The following HDLBP variants were observed in gnomAD, a reference collection of about 807,000 sequenced individuals.
HDLBP encodes the protein vigilin.
In HDLBP, 30 loss-of-function variants were observed where a neutral mutation model predicts 137.3. The observed-to-expected ratio is 0.22, with a 90% CI of 0.16 to 0.30. The LOEUF is 0.30. Among genes scored for constraint, HDLBP ranks in the 10% least tolerant of loss-of-function variants. HDLBP has a pLI of 1.00. For missense variants in HDLBP, 1,119 were observed against 1,667.3 expected, an observed-to-expected ratio of 0.67 and a Z score of 5.73; for synonymous variants, 606 against 596.0, an observed-to-expected ratio of 1.02 and a Z score of -0.24.
chr2:241,262,104 T>C lies in HDLBP; in HGVS notation c.450+607A>G, dbSNP rs79809719. On this transcript the variant is annotated intron_variant, in intron 5 of 27. Coordinates refer to ENST00000310931, the MANE Select transcript of HDLBP (RefSeq NM_005336.6). ...CAAATGTTCTTAAATAAAGTCCAAG[T>C]ACTGGCATCAGACTGCCAAAGACGA... Among the ~76,000 whole-genome samples, 1,820 of 152,346 alleles carry C rather than the reference T, an allele frequency of 0.012. 127 individuals carry two copies. In the East Asian group the frequency reaches 0.17, roughly 14 times the overall value.
Position 241,272,523 on chromosome 2 carries a change from C to T in HDLBP, c.-102-3982G>A. The T allele has an allele frequency of 2.0e-6, 2 of 984,658 alleles. No homozygotes were observed. Among genetic ancestry groups the T allele is most frequent in the Non-Finnish European group, 2.4e-6 (2 of 829,686 alleles). The allele number at this position is 984,658 out of a possible 1,614,324, so 61.0% of individuals were successfully genotyped here. On this transcript the variant is annotated intron_variant, in intron 1 of 27. Transcript: ENST00000310931. The surrounding 1 kb of genome is among the most constrained non-coding windows in gnomAD (Gnocchi z 5.6). ...TGTGCGCGCCCCTCCGCGCCACGGCCACGCGCAGAAGAGACTCGGAGCCGG... is the reference window on the plus strand; with the variant it reads ...TGTGCGCGCCCCTCCGCGCCACGGCTACGCGCAGAAGAGACTCGGAGCCGG...
intron 8 of HDLBP, 25 bp downstream of exon 8, chr2:241,255,349 A>C (rs1398890750): frequency 6.2e-7 from 1 of 1,601,938 alleles, no homozygotes; most frequent in South Asian, 1.1e-5. Context: ...CAAAGGAGAC[A>C]CACTTCATGC....
intron 1 of HDLBP, among the ~76,000 whole-genome samples, chr2:241,281,217 G>A (rs2074586983): frequency 6.6e-6 from 1 of 152,178 alleles, no homozygotes; most frequent in Admixed American, 6.5e-5. Context: ...ACTCGGGCTT[G>A]GGGGTGCATG....
chr2:241,267,493 G>A (rs1435569756), intron 2 of HDLBP: 5 of 1,341,020 alleles, frequency 3.7e-6, no homozygotes, highest in Non-Finnish European at 4.1e-6. Flanking sequence ...CCACCTGCCT[G>A]ACCCAGGCTC....
chr2:241,272,287 C>T lies in HDLBP; in HGVS notation c.-102-3746G>A, dbSNP rs987053932. On this transcript the variant is annotated intron_variant, in intron 1 of 27. Transcript: ENST00000310931. The surrounding 1 kb of genome is among the most constrained non-coding windows in gnomAD (Gnocchi z 5.6). ...AAGGACCCCGCTGGCCTCCCAGGGA[C>T]CCCCACCCTGGCCGCACACGGCGCC... 1.4e-4 allele frequency: 137 copies of T among 977,632 alleles called. No homozygotes were observed. Among genetic ancestry groups the T allele is most frequent in the Non-Finnish European group, 1.6e-4 (128 of 823,134 alleles). 60.6% of individuals were successfully genotyped at this position (977,632 alleles called of 1,614,324 possible).
At chr2:241,232,472 C>T (rs958168989) in intron 24 of HDLBP, among the ~76,000 whole-genome samples, 2 of 152,108 alleles carry the variant, frequency 1.3e-5, no homozygotes, top group South Asian at 2.1e-4. Context: ...GACAGGCTTT[C>T]GCCATGTTGG....
Position 241,233,668 on chromosome 2 carries a change from C to T in HDLBP, c.3288+152G>A, listed in dbSNP as rs1034852173. 3 of 786,788 alleles carry T rather than the reference C, an allele frequency of 3.8e-6. No individual in the cohort carries two copies. Among genetic ancestry groups the T allele is most frequent in the Admixed American group, 5.1e-5 (2 of 39,242 alleles). 48.7% of individuals were successfully genotyped at this position (786,788 alleles called of 1,614,324 possible). The stretch of plus-strand genomic sequence containing the variant: ...ATCTGGCAAGTACCGAGACACAGCC[C>T]AAACCTCAAGCCAGAATTAGGTCCT... On this transcript the variant is annotated intron_variant, in intron 24 of 27. Coordinates refer to ENST00000310931, the MANE Select transcript of HDLBP (RefSeq NM_005336.6). The surrounding 1 kb of genome is among the most constrained non-coding windows in gnomAD (Gnocchi z 4.3).
chr2:241,289,909 G>A (rs2074953766), intron 1 of HDLBP, among the ~76,000 whole-genome samples: 1 of 151,998 alleles, frequency 6.6e-6, no homozygotes, highest in Admixed American at 6.6e-5. Flanking sequence ...CGTGTGGGAT[G>A]AATGGACTTC....
At chr2:241,235,045 A>G (rs1490963749) in intron 23 of HDLBP, 76 bp downstream of exon 23, 1 of 1,551,482 alleles carries the variant, frequency 6.4e-7, no homozygotes, top group Non-Finnish European at 8.8e-7. Context: ...ATCCTGAAGA[A>G]CTTCCCTAGA....
intron 24 of HDLBP, among the ~76,000 whole-genome samples, chr2:241,231,711 T>C (rs1436937055): frequency 1.3e-5 from 2 of 152,074 alleles, no homozygotes; most frequent in Non-Finnish European, 2.9e-5. Context: ...CAGGCCTTCC[T>C]TGGGCCACAC....
At chr2:241,232,171 CGG>C (rs992794647) in intron 24 of HDLBP, among the ~76,000 whole-genome samples, 3 of 152,170 alleles carry the variant, frequency 2.0e-5, no homozygotes, top group Admixed American at 1.3e-4. Context: ...ACCTCAAGAT[CGG>C]AAGCACAGCT....
intron 16 of HDLBP, among the ~76,000 whole-genome samples, chr2:241,245,734 C>G (rs994356599): frequency 4.6e-5 from 7 of 152,152 alleles, no homozygotes; most frequent in African/African-American, 1.7e-4. Flanking sequence ...TCTGGAAAGC[C>G]AAGGCTGTAG....
intron 9 of HDLBP, among the ~76,000 whole-genome samples, chr2:241,253,968 A>T (rs1230253203): frequency 6.6e-6 from 1 of 152,160 alleles, no homozygotes; most frequent in African/African-American, 2.4e-5. Flanking sequence ...AGGAAGGCAG[A>T]CTGGTCCTTA....
intron 1 of HDLBP, among the ~76,000 whole-genome samples, chr2:241,297,388 A>C (rs113800348): frequency 6.6e-6 from 1 of 152,238 alleles, no homozygotes; most frequent in Non-Finnish European, 1.5e-5. Flanking sequence ...ATCCACTTGG[A>C]AAGCGAGAAA....
At position 241,256,603 on chromosome 2, in the gene HDLBP, C is replaced by A; in HGVS notation, c.654G>T (p.Glu218Asp). Residue 218 changes from glutamate to aspartate, a missense_variant, in exon 6 of 28, where the codon GAG becomes GAT. By Grantham distance (45) the Glu-to-Asp change is conservative (BLOSUM62 2). Around this residue, in one of 4 missense-constraint regions of HDLBP, gnomAD observed 425 missense variants for 693.9 expected, o/e 0.61. Transcript: ENST00000310931. ...GAGGCACTCACACAGGCCTCACCTGCTCGGCAGAGATGAGTAAGACTTCAT... is the reference window on the plus strand; with the variant it reads ...GAGGCACTCACACAGGCCTCACCTGATCGGCAGAGATGAGTAAGACTTCAT... The part of the protein sequence containing the change: ...ARHEVLLISA[E>D]QDKRAVERLE... 1 of 1,613,724 alleles carries A rather than the reference C, an allele frequency of 6.2e-7. No homozygotes were observed. The highest frequency in any genetic ancestry group is 8.5e-7 in the Non-Finnish European group (1 of 1,179,990).
intron 1 of HDLBP, among the ~76,000 whole-genome samples, chr2:241,314,897 G>T (rs1052500437): frequency 1.3e-5 from 2 of 152,172 alleles, no homozygotes; most frequent in Non-Finnish European, 2.9e-5. Context: ...AGGGGTATTT[G>T]CGCCAAGCCT....
intron 1 of HDLBP, among the ~76,000 whole-genome samples, chr2:241,276,068 T>C (rs915976668): frequency 6.6e-6 from 1 of 152,040 alleles, no homozygotes; most frequent in African/African-American, 2.4e-5. Flanking sequence ...AAGCAGAATA[T>C]GCAAGTACAA....
chr2:241,296,998 C>T lies in HDLBP; in HGVS notation c.-103+18572G>A, dbSNP rs185153203. Among the ~76,000 whole-genome samples, 5 of 152,354 alleles carry T rather than the reference C, an allele frequency of 3.3e-5. No individual in the cohort carries two copies. In the East Asian group the frequency reaches 7.7e-4, roughly 23 times the overall value. ...GGGACAAGGACACCACACAGTAAGG[C>T]GCTGTTACCAACAAGAATCCAACGG... On this transcript the variant is annotated intron_variant, in intron 1 of 27. Coordinates refer to ENST00000310931, the MANE Select transcript of HDLBP (RefSeq NM_005336.6).
At chr2:241,282,117 G>A (rs186012850) in intron 1 of HDLBP, among the ~76,000 whole-genome samples, 66 of 152,298 alleles carry the variant, frequency 4.3e-4, no homozygotes, top group Middle Eastern at 3.4e-3. Flanking sequence ...CATGGCACAC[G>A]TGGCAGGCTC....
Sources: gnomAD v4.1 joint callset for allele counts (sites outside exome capture counted in the v4.1 genomes callset) on GRCh38, gnomAD v4.1.1 for gene constraint, gnomAD v4.1.1 regional missense constraint, Gnocchi (gnomAD v3.1) non-coding constraint, MANE v1.5 for transcripts, NCBI Gene and HGNC (gene_info 2026-07-23, HGNC 2026-07-21) for gene names.